The following MCPH1 variants were observed in gnomAD, a reference collection of about 807,000 sequenced individuals.
MCPH1 encodes microcephalin 1, also known as microcephalin.
Under a neutral mutation model 84.5 loss-of-function variants are expected in MCPH1, and 104 were observed. That is an observed-to-expected ratio of 1.23 (90% confidence interval 1.05 to 1.45). The LOEUF is 1.45. Among genes scored for constraint, MCPH1 ranks in the 40% most tolerant of loss-of-function variants. The probability of loss-of-function intolerance (pLI) is 0.00; values close to 1 mark genes in which losing one functional copy is unlikely to be tolerated. For synonymous variants in MCPH1, 514 were observed against 366.8 expected (o/e 1.40, Z -4.58); for missense variants, 1,498 against 1,005.7 (o/e 1.49, Z -6.62).
At chr8:6,582,988 T>G (rs1023528422) in intron 12 of MCPH1, among the ~76,000 whole-genome samples, 5 of 152,202 alleles carry the variant, frequency 3.3e-5, no homozygotes, top group African/African-American at 9.6e-5. Flanking sequence ...CTGCACGTAC[T>G]TACTCTGCAC....
rs2272726 is a variant in MCPH1 at position 6,508,810 on chromosome 8, T to C, written c.2214+8881T>C. 5.1e-5 allele frequency: 69 copies of C among 1,339,984 alleles called. No individual in the cohort carries two copies. In the East Asian group the frequency reaches 1.3e-3, roughly 25 times the overall value. The allele number at this position is 1,339,984 out of a possible 1,614,324, so 83.0% of individuals were successfully genotyped here. A position where few individuals can be genotyped will look rare whatever the true frequency, so the allele number is the denominator to read the frequency against. ...CACATTTACCTATATCAAGCTAGTG[T>C]GTCTACGTATGAAATTGTGGACATC... On this transcript the variant is annotated intron_variant, in intron 12 of 13. Transcript: ENST00000344683.
At chr8:6,570,283 G>A (rs2922842) in intron 12 of MCPH1, among the ~76,000 whole-genome samples, 20,790 of 152,168 alleles carry the variant, frequency 0.14, 2,258 homozygotes, top group African/African-American at 0.29. Context: ...TAGCTGGCCC[G>A]ATATATTTAG....
intron 12 of MCPH1, among the ~76,000 whole-genome samples, chr8:6,545,832 T>C (rs1056535834): frequency 6.6e-6 from 1 of 152,272 alleles, no homozygotes; most frequent in Non-Finnish European, 1.5e-5. Context: ...ACAAGATTAC[T>C]CTGAGAAAAG....
At position 6,418,802 on chromosome 8, in the gene MCPH1, G is replaced by A. The variant is rs143115318; in HGVS notation, c.233+3919G>A. ...TCACCATGTTGGCCAGGATGATCCT[G>A]ATCTTCTGACCTCGTGATCTGCCTG... On this transcript the variant is annotated intron_variant, in intron 3 of 13. Transcript: ENST00000344683. 3.9e-3 allele frequency among the ~76,000 whole-genome samples: 599 copies of A among 152,038 alleles called. 5 individuals carry two copies. Among genetic ancestry groups the A allele is most frequent in the African/African-American group, 0.014 (565 of 41,488 alleles).
chr8:6,573,248 G>C (rs1412280384), intron 12 of MCPH1, among the ~76,000 whole-genome samples: 1 of 152,112 alleles, frequency 6.6e-6, no homozygotes, highest in African/African-American at 2.4e-5. Context: ...GCTGTGTGCA[G>C]AAGGGCTTAG....
At position 6,644,216 on chromosome 8, in the gene MCPH1, A is replaced by C. The variant is rs1330874926; in HGVS notation, c.*1167A>C. The C allele has an allele frequency of 6.6e-6, 1 of 152,200 alleles. No homozygotes were observed. The highest frequency in any genetic ancestry group is 6.5e-5 in the Admixed American group (1 of 15,274). 9.4% of individuals were successfully genotyped at this position (152,200 alleles called of 1,614,324 possible). On this transcript the variant is annotated 3_prime_UTR_variant, in exon 14 of 14. Coordinates refer to ENST00000344683, the MANE Select transcript of MCPH1 (RefSeq NM_024596.5). Reference sequence around the variant, plus strand: ...AGTGAGCCAAGGTTGCAGTGAATCAAGATTGCTCCACTGCACTCCAGCCTG... The same window carrying C: ...AGTGAGCCAAGGTTGCAGTGAATCACGATTGCTCCACTGCACTCCAGCCTG...
At chr8:6,480,365 C>T (rs2442488) in intron 10 of MCPH1, among the ~76,000 whole-genome samples, 1 of 151,824 alleles carries the variant, frequency 6.6e-6, no homozygotes, top group East Asian at 1.9e-4. Flanking sequence ...GTGATCCACC[C>T]GCCTCGGCCT....
intron 1 of MCPH1, among the ~76,000 whole-genome samples, chr8:6,409,043 C>T (rs943297617): frequency 6.6e-6 from 1 of 152,056 alleles, no homozygotes; most frequent in African/African-American, 2.4e-5. Context: ...CGCCACCATG[C>T]TCGGCTAATT....
intron 13 of MCPH1, chr8:6,622,026 C>T: frequency 2.5e-6 from 1 of 401,776 alleles, no homozygotes; most frequent in Non-Finnish European, 5.0e-6. Context: ...TAGACCCTCC[C>T]TCCCCAGTGC....
chr8:6,549,649 G>C (rs571607528), intron 12 of MCPH1, among the ~76,000 whole-genome samples: 2 of 149,786 alleles, frequency 1.3e-5, no homozygotes, highest in African/African-American at 2.5e-5. Context: ...ACAAAGAGGG[G>C]CGTGAGGGAG....
In MCPH1 at chr8:6,643,228, G is replaced by A; in HGVS notation, c.*179G>A. 3.0e-6 allele frequency: 2 copies of A among 667,040 alleles called. No individual in the cohort carries two copies. The highest frequency in any genetic ancestry group is 5.4e-6 in the Non-Finnish European group (2 of 371,018). 41.3% of individuals were successfully genotyped at this position (667,040 alleles called of 1,614,324 possible). ...ATAGGTGACTTTCTGATGACTGAAT[G>A]TCTGTTTCAGAGACGCTTCGGGCCT... On this transcript the variant is annotated 3_prime_UTR_variant, in exon 14 of 14. Coordinates refer to ENST00000344683, the MANE Select transcript of MCPH1 (RefSeq NM_024596.5).
At chr8:6,562,474 G>C (rs1825680781) in intron 12 of MCPH1, among the ~76,000 whole-genome samples, 1 of 146,150 alleles carries the variant, frequency 6.8e-6, no homozygotes, top group Admixed American at 6.9e-5. Context: ...CACACCCTGG[G>C]ATAGAATAAA....
rs1798282211 is a variant in MCPH1 at position 6,647,753 on chromosome 8, G to A, written c.*4704G>A. ...AACAGATTCATGGTCTGCTGCAGCT[G>A]GGGATGGGAGTGGGAACAGAGAGCA... On this transcript the variant is annotated 3_prime_UTR_variant, in exon 14 of 14. Coordinates refer to ENST00000344683, the MANE Select transcript of MCPH1 (RefSeq NM_024596.5). 1.3e-5 allele frequency: 2 copies of A among 152,336 alleles called. No individual in the cohort carries two copies. Among genetic ancestry groups the A allele is most frequent in the African/African-American group, 4.8e-5 (2 of 41,566 alleles). The allele number at this position is 152,336 out of a possible 1,614,324, so 9.4% of individuals were successfully genotyped here. A position where few individuals can be genotyped will look rare whatever the true frequency, so the allele number is the denominator to read the frequency against.
intron 9 of MCPH1, among the ~76,000 whole-genome samples, chr8:6,469,800 C>G (rs770583795): frequency 6.6e-6 from 1 of 152,174 alleles, no homozygotes; most frequent in Non-Finnish European, 1.5e-5. Flanking sequence ...TAGACCATTT[C>G]CCAAATAATC....
chr8:6,644,254 A>G lies in MCPH1; in HGVS notation c.*1205A>G, dbSNP rs1237050245. On this transcript the variant is annotated 3_prime_UTR_variant, in exon 14 of 14. Coordinates refer to ENST00000344683, the MANE Select transcript of MCPH1 (RefSeq NM_024596.5). ...GCACTCCAGCCTGGGCAACAGAGTA[A>G]CTCTCCTTCTCAAATAAATAAATAA... The G allele has an allele frequency of 6.6e-6, 1 of 151,950 alleles. No homozygotes were observed. The highest frequency in any genetic ancestry group is 1.5e-5 in the Non-Finnish European group (1 of 68,000). The allele number at this position is 151,950 out of a possible 1,614,324, so 9.4% of individuals were successfully genotyped here.
intron 12 of MCPH1, among the ~76,000 whole-genome samples, chr8:6,576,263 C>T (rs144755055): frequency 1.2e-4 from 19 of 152,228 alleles, no homozygotes; most frequent in African/African-American, 4.1e-4. Context: ...TCGTTAATTG[C>T]AGCCACCCTA....
intron 12 of MCPH1, among the ~76,000 whole-genome samples, chr8:6,534,445 G>C (rs1820137625): frequency 6.6e-6 from 1 of 152,050 alleles, no homozygotes; most frequent in South Asian, 2.1e-4. Context: ...CAGACATCAA[G>C]GGACAGTTGT....
At chr8:6,572,090 G>C (rs1010854225) in intron 12 of MCPH1, among the ~76,000 whole-genome samples, 1 of 151,832 alleles carries the variant, frequency 6.6e-6, no homozygotes, top group African/African-American at 2.4e-5. Context: ...AAAAGTCAAA[G>C]ACCGACTGAT....
chr8:6,510,925 C>A (rs549383329), intron 12 of MCPH1, among the ~76,000 whole-genome samples: 1 of 152,326 alleles, frequency 6.6e-6, no homozygotes, highest in South Asian at 2.1e-4. Context: ...AGCTCAGTCT[C>A]TAAATGCCTG....
Sources: allele counts gnomAD v4.1 joint callset (sites outside exome capture counted in the v4.1 genomes callset), GRCh38; gene constraint gnomAD v4.1.1; transcripts MANE v1.5; gene names NCBI Gene and HGNC (gene_info 2026-07-23, HGNC 2026-07-21).